Variants in CNTNAP4 observed in about 807,000 individuals in gnomAD.
CNTNAP4 encodes the protein contactin-associated protein-like 4.
CNTNAP4 carries 98 observed loss-of-function variants against 148.4 expected under a neutral mutation model. The observed-to-expected ratio is 0.66, with a 90% CI of 0.56 to 0.78. The LOEUF is 0.78. Ranked by LOEUF, CNTNAP4 falls within the 30% of genes least tolerant of loss-of-function variation. CNTNAP4 has a pLI of 0.00. For synonymous variants in CNTNAP4, 730 were observed against 565.1 expected (o/e 1.29, Z -4.14); for missense variants, 1,935 against 1,565.6 (o/e 1.24, Z -3.98).
At chr16:76,536,201 T>TA (rs978273767) in intron 18 of CNTNAP4, among the ~76,000 whole-genome samples, 3 of 152,046 alleles carry the variant, frequency 2.0e-5, no homozygotes, top group African/African-American at 7.2e-5. Flanking sequence ...CTTTTTTTTT[T>TA]ATTTGAGACT....
chr16:76,361,269 A>G (rs1052462080), intron 3 of CNTNAP4, among the ~76,000 whole-genome samples: 3 of 152,188 alleles, frequency 2.0e-5, no homozygotes, highest in East Asian at 1.9e-4. Context: ...TAACTGGAAC[A>G]TTTAATCTGT....
chr16:76,302,228 C>G (rs921043454), intron 1 of CNTNAP4, among the ~76,000 whole-genome samples: 10 of 152,088 alleles, frequency 6.6e-5, no homozygotes, highest in Non-Finnish European at 1.2e-4. Context: ...TGACAAAAAG[C>G]AAGCAGGGCA....
chr16:76,459,130 G>A (rs1288117841), intron 8 of CNTNAP4, among the ~76,000 whole-genome samples: 1 of 152,142 alleles, frequency 6.6e-6, no homozygotes, highest in East Asian at 1.9e-4. Flanking sequence ...ACAGGGCTTT[G>A]AGAATGAGAT....
At chr16:76,388,010 T>G (rs1199574408) in intron 3 of CNTNAP4, among the ~76,000 whole-genome samples, 1 of 152,224 alleles carries the variant, frequency 6.6e-6, no homozygotes, top group Non-Finnish European at 1.5e-5. Context: ...TATTTGTCAT[T>G]AACGGGTGCT....
chr16:76,381,433 A>G (rs2015953497), intron 3 of CNTNAP4, among the ~76,000 whole-genome samples: 1 of 152,162 alleles, frequency 6.6e-6, no homozygotes, highest in African/African-American at 2.4e-5. Flanking sequence ...ATACTGTGCT[A>G]GTGGAAAGAG....
intron 13 of CNTNAP4, among the ~76,000 whole-genome samples, chr16:76,493,045 G>GGC (rs2082280285): frequency 6.6e-6 from 1 of 151,792 alleles, no homozygotes; most frequent in South Asian, 2.1e-4. Flanking sequence ...GATCTAGAAA[G>GGC]GCATGGAACA....
chr16:76,483,227 A>C (rs1274343705), intron 12 of CNTNAP4, among the ~76,000 whole-genome samples: 1 of 95,404 alleles, frequency 1.0e-5, no homozygotes, highest in Non-Finnish European at 2.1e-5. Context: ...TTGAAGTTTT[A>C]AGAAACACAC....
chr16:76,283,430 C>G (rs1290009607), intron 1 of CNTNAP4, among the ~76,000 whole-genome samples: 2 of 151,878 alleles, frequency 1.3e-5, no homozygotes, highest in Non-Finnish European at 2.9e-5. Flanking sequence ...TAGTGATAGA[C>G]TGGATAAAGA....
intron 2 of CNTNAP4, among the ~76,000 whole-genome samples, chr16:76,332,666 A>G (rs1364989655): frequency 1.3e-5 from 2 of 152,234 alleles, no homozygotes; most frequent in African/African-American, 2.4e-5. Context: ...CATTATGCAT[A>G]CATTGATAAA....
chr16:76,307,412 G>GA (rs202176157), intron 1 of CNTNAP4, among the ~76,000 whole-genome samples: 2,510 of 149,950 alleles, frequency 0.017, 93 homozygotes, highest in African/African-American at 0.059. Flanking sequence ...TATCATTGTG[G>GA]AAAAAATGGA....
intron 3 of CNTNAP4, among the ~76,000 whole-genome samples, chr16:76,396,340 C>T (rs1433473487): frequency 6.6e-6 from 1 of 152,174 alleles, no homozygotes; most frequent in Non-Finnish European, 1.5e-5. Context: ...CCTATAGGCA[C>T]ACTAAGTTGG....
intron 8 of CNTNAP4, among the ~76,000 whole-genome samples, chr16:76,456,886 C>G (rs1185665328): frequency 6.6e-6 from 1 of 152,118 alleles, no homozygotes; most frequent in Non-Finnish European, 1.5e-5. Flanking sequence ...TCGGTAGTTT[C>G]TTTTCCTCTC....
intron 15 of CNTNAP4, among the ~76,000 whole-genome samples, chr16:76,515,457 G>A (rs1339871414): frequency 6.6e-6 from 1 of 152,136 alleles, no homozygotes; most frequent in Non-Finnish European, 1.5e-5. Flanking sequence ...CTGACTCAGA[G>A]GAAAGACCAT....
chr16:76,446,548 A>G (rs1487118649), intron 4 of CNTNAP4, among the ~76,000 whole-genome samples: 5 of 152,200 alleles, frequency 3.3e-5, no homozygotes, highest in African/African-American at 1.2e-4. Context: ...AATGAGTAAG[A>G]GTGATTTTGA....
intron 3 of CNTNAP4, among the ~76,000 whole-genome samples, chr16:76,415,530 A>G (rs2078942205): frequency 2.0e-5 from 3 of 151,102 alleles, no homozygotes; most frequent in South Asian, 4.1e-4. Flanking sequence ...TTATAGTACA[A>G]TACTATTTAT....
chr16:76,370,114 C>G (rs2014625645), intron 3 of CNTNAP4, among the ~76,000 whole-genome samples: 1 of 152,130 alleles, frequency 6.6e-6, no homozygotes, highest in Non-Finnish European at 1.5e-5. Context: ...CTATCTCCTA[C>G]TTGTTATACG....
chr16:76,321,429 T>TA (rs764624410), intron 2 of CNTNAP4, among the ~76,000 whole-genome samples: 140 of 151,352 alleles, frequency 9.2e-4, no homozygotes, highest in African/African-American at 2.5e-3. Flanking sequence ...TCCCTAAAGA[T>TA]AAAAAAAAAG....
At position 76,355,502 on chromosome 16, in the gene CNTNAP4, C is replaced by T. The variant is rs766581583; in HGVS notation, c.381C>T (p.Asp127=). The change falls in exon 3 of 24, where the codon GAC becomes GAT. Residue 127 remains aspartate, a synonymous_variant. Transcript: ENST00000611870. ...ACTGGAAACAATATCGCCAAGAGGA[C>T]AGCATCTGGGTATGTTCTTTAACAA... is the stretch of plus-strand genomic sequence containing the variant. ...GWNWKQYRQE[D]SIWGFSGNAN... The T allele has an allele frequency of 1.9e-6, 3 of 1,606,322 alleles. No individual in the cohort carries two copies. The highest frequency in any genetic ancestry group is 1.3e-5 in the African/African-American group (1 of 74,522).
intron 11 of CNTNAP4, among the ~76,000 whole-genome samples, chr16:76,478,977 A>C (rs1211482056): frequency 6.6e-6 from 1 of 152,132 alleles, no homozygotes; most frequent in Non-Finnish European, 1.5e-5. Flanking sequence ...ATTATTGGCT[A>C]ACAGCAGATT....
Sources: allele counts gnomAD v4.1 joint callset (sites outside exome capture counted in the v4.1 genomes callset), GRCh38; gene constraint gnomAD v4.1.1; transcripts MANE v1.5; gene names NCBI Gene and HGNC (gene_info 2026-07-23, HGNC 2026-07-21).